The following LRRCC1 variants were observed in gnomAD, a reference collection of about 807,000 sequenced individuals.
LRRCC1 encodes leucine-rich repeat and coiled-coil domain-containing protein 1.
In LRRCC1, 115 loss-of-function variants were observed where a neutral mutation model predicts 126.0. The observed-to-expected ratio is 0.91, with a 90% CI of 0.78 to 1.07. The LOEUF (loss-of-function observed/expected upper bound fraction) is 1.07, where lower values mean the gene tolerates loss of function less well. Ranked by LOEUF, LRRCC1 falls within the 50% of genes least tolerant of loss-of-function variation. The pLI is 0.00. For synonymous variants in LRRCC1, 400 were observed against 393.4 expected, an observed-to-expected ratio of 1.02 and a Z score of -0.20; for missense variants, 1,172 against 1,175.7, an observed-to-expected ratio of 1.00 and a Z score of 0.05.
At chr8:85,122,624 T>C (rs563683879) in intron 6 of LRRCC1, among the ~76,000 whole-genome samples, 1 of 152,190 alleles carries the variant, frequency 6.6e-6, no homozygotes, top group African/African-American at 2.4e-5. Context: ...ATGACAGGTG[T>C]ATTTCTTATT....
At position 85,115,462 on chromosome 8, in the gene LRRCC1, T is replaced by C; in HGVS notation, c.808T>C (p.Leu270=). 3 of 1,613,614 alleles carry C rather than the reference T, an allele frequency of 1.9e-6. No homozygotes were observed. The highest frequency in any genetic ancestry group is 2.5e-6 in the Non-Finnish European group (3 of 1,179,598). The change falls in exon 6 of 19, where the codon TTG becomes CTG. Residue 270 remains leucine (L), a synonymous_variant. Transcript: ENST00000360375. ...QFASTPSDAV[L]TSFMSVCQSS... The stretch of plus-strand genomic sequence containing the variant: ...TGCAAGTACACCAAGTGATGCTGTG[T>C]TGACGTCTTTTATGTCTGTGTGTCA...
chr8:85,109,221 C>G (rs1808499659), intron 1 of LRRCC1: 1 of 185,484 alleles, frequency 5.4e-6, no homozygotes, highest in Non-Finnish European at 1.1e-5. Context: ...GTCATTTGCT[C>G]AAATCACACA....
At chr8:85,130,522 G>T (rs976905966) in intron 11 of LRRCC1, among the ~76,000 whole-genome samples, 1 of 152,112 alleles carries the variant, frequency 6.6e-6, no homozygotes, top group African/African-American at 2.4e-5. Flanking sequence ...CCGTGTTCAT[G>T]TATGTATACA....
At position 85,123,321 on chromosome 8, in the gene LRRCC1, A is replaced by G. The variant is rs969707052; in HGVS notation, c.931-92A>G. The G allele has an allele frequency of 1.5e-5, 13 of 844,880 alleles. No homozygotes were observed. In the African/African-American group the frequency reaches 1.9e-4, roughly 13 times the overall value. 52.3% of individuals were successfully genotyped at this position (844,880 alleles called of 1,614,324 possible). ...ATTTCTAGTTTATAAACCCTTAATC[A>G]TATAAAAAGATATAATATTTCAGAA... On this transcript the variant is annotated intron_variant, in intron 6 of 18. Coordinates refer to ENST00000360375, the MANE Select transcript of LRRCC1 (RefSeq NM_033402.5).
chr8:85,109,572 A>G (rs757096189), intron 1 of LRRCC1, 23 bp from the exon 2 acceptor site: 4 of 1,342,240 alleles, frequency 3.0e-6, no homozygotes, highest in Admixed American at 2.1e-5. Context: ...ATCTATTTTT[A>G]TAGTATATAT....
chr8:85,135,779 G>A lies in LRRCC1; in HGVS notation c.2155-10G>A. The A allele has an allele frequency of 1.4e-6, 2 of 1,412,558 alleles. No homozygotes were observed. The highest frequency in any genetic ancestry group is 1.8e-5 in the South Asian group (1 of 56,718). The allele number at this position is 1,412,558 out of a possible 1,614,324, so 87.5% of individuals were successfully genotyped here. Reference sequence around the variant, plus strand: ...TAATAATTCTTATTTTTTTTTTTGGGAATATACAGAATCAAATCAACACCC... The same window carrying A: ...TAATAATTCTTATTTTTTTTTTTGGAAATATACAGAATCAAATCAACACCC... On this transcript the variant is annotated splice_polypyrimidine_tract_variant and intron_variant, in intron 13 of 18. Coordinates refer to ENST00000360375, the MANE Select transcript of LRRCC1 (RefSeq NM_033402.5).
chr8:85,138,146 C>G lies in LRRCC1; in HGVS notation c.2605C>G (p.Leu869Val), dbSNP rs1331556178. 1.2e-6 allele frequency: 2 copies of G among 1,610,198 alleles called. No homozygotes were observed. Among genetic ancestry groups the G allele is most frequent in the African/African-American group, 2.7e-5 (2 of 74,678 alleles). Reference sequence around the variant, plus strand: ...AAAATCTTCACAACTGGATGAGGTACTTGAGAAGTTGGAAAGGCACAATGA... The same window carrying G: ...AAAATCTTCACAACTGGATGAGGTAGTTGAGAAGTTGGAAAGGCACAATGA... ...DEKSSQLDEV[L>V]EKLERHNERK... Residue 869 changes from leucine to valine, a missense_variant, in exon 16 of 19, where the codon CTT (leucine) becomes GTT (valine). Transcript: ENST00000360375.
At chr8:85,130,200 A>G (rs1810352718) in intron 11 of LRRCC1, 142 bp downstream of exon 11, 2 of 527,324 alleles carry the variant, frequency 3.8e-6, no homozygotes, top group Non-Finnish European at 6.1e-6. Flanking sequence ...CAATGGCGCA[A>G]TCTCGGCTCA....
Position 85,113,005 on chromosome 8 carries a change from C to T in LRRCC1, c.450C>T (p.Ile150=). ...TACATAGTAATCGTATAGATAGTAT[C>T]CATCACTTACTTCAGTGTATGGTAG... ...IDLHSNRIDS[I]HHLLQCMVGL... The change falls in exon 4 of 19, where the codon ATC becomes ATT. Residue 150 remains isoleucine (I), a synonymous_variant. Coordinates refer to ENST00000360375, the MANE Select transcript of LRRCC1 (RefSeq NM_033402.5). 6.2e-7 allele frequency: 1 copy of T among 1,603,394 alleles called. No homozygotes were observed. Among genetic ancestry groups the T allele is most frequent in the Non-Finnish European group, 8.5e-7 (1 of 1,171,108 alleles).
Position 85,131,912 on chromosome 8 carries a change from A to G in LRRCC1, c.1919A>G (p.Glu640Gly). The change falls in exon 12 of 19, where the codon GAA becomes GGA. Residue 640 changes from glutamate (E) to glycine (G), a missense_variant. Glu to Gly is a moderately conservative substitution (Grantham distance 98, BLOSUM62 -2). Transcript: ENST00000360375. ...DVLSQQYMDL[E>G]NEFRIALTVE... ...TTAAGCCAGCAGTATATGGATTTAG[A>G]AAATGAATTCCGTATTGCTTTAACT... The G allele has an allele frequency of 6.2e-7, 1 of 1,613,830 alleles. No individual in the cohort carries two copies. The highest frequency in any genetic ancestry group is 8.5e-7 in the Non-Finnish European group (1 of 1,179,900).
chr8:85,119,496 CTTT>C (rs542722001), intron 6 of LRRCC1, among the ~76,000 whole-genome samples: 2 of 135,922 alleles, frequency 1.5e-5, no homozygotes, highest in Non-Finnish European at 1.6e-5. Flanking sequence ...TTTTCTAGCA[CTTT>C]TTTTTTTTTT....
intron 17 of LRRCC1, among the ~76,000 whole-genome samples, chr8:85,138,939 A>G (rs1428535267): frequency 1.3e-5 from 2 of 152,090 alleles, no homozygotes. Context: ...CCAGCTACTC[A>G]GGAGGCTGAG....
chr8:85,112,972 T>C lies in LRRCC1; in HGVS notation c.417T>C (p.Tyr139=), dbSNP rs1808839818. ...ATGGAATTAAGCATAAACTTAGATA[T>C]ATTGATCTACATAGTAATCGTATAG... The part of the protein sequence containing the change: ...PLHGIKHKLR[Y]IDLHSNRIDS... The change falls in exon 4 of 19, where the codon TAT becomes TAC. Residue 139 remains tyrosine, a synonymous_variant. Transcript: ENST00000360375. 1.3e-6 allele frequency: 2 copies of C among 1,592,116 alleles called. No homozygotes were observed. The highest frequency in any genetic ancestry group is 4.5e-5 in the East Asian group (2 of 44,516).
At chr8:85,135,093 G>T in intron 13 of LRRCC1, 61 bp downstream of exon 13, 2 of 1,270,136 alleles carry the variant, frequency 1.6e-6, no homozygotes, top group Non-Finnish European at 2.1e-6. Flanking sequence ...CAAGTGGGTT[G>T]TGATAAATTT....
In LRRCC1 at chr8:85,135,026, T is replaced by C. The variant is rs1320854821; in HGVS notation, c.2148T>C (p.Asn716=). Residue 716 remains asparagine, a synonymous_variant, in exon 13 of 19, where the codon AAT becomes AAC. Transcript: ENST00000360375. ...AATTGAAACAAGAAACAGCAGCAAA[T>C]TTACAGGTAAGACTTTGCAACATTA... The part of the protein sequence containing the change: ...VSKLKQETAA[N]LQNQINTLEI... The C allele has an allele frequency of 6.5e-7, 1 of 1,537,330 alleles. No homozygotes were observed. Among genetic ancestry groups the C allele is most frequent in the Non-Finnish European group, 8.7e-7 (1 of 1,152,788 alleles).
At chr8:85,108,502 A>T (rs372056973) in intron 1 of LRRCC1, among the ~76,000 whole-genome samples, 28 of 152,356 alleles carry the variant, frequency 1.8e-4, no homozygotes, top group African/African-American at 6.7e-4. Context: ...TAATTTCACT[A>T]TGCTTTTTCT....
At position 85,138,248 on chromosome 8, in the gene LRRCC1, T is replaced by G. The variant is rs1308176209; in HGVS notation, c.2702+5T>G. The G allele has an allele frequency of 6.3e-7, 1 of 1,591,448 alleles. No homozygotes were observed. The highest frequency in any genetic ancestry group is 8.5e-7 in the Non-Finnish European group (1 of 1,170,022). On this transcript the variant is annotated splice_donor_5th_base_variant and intron_variant, in intron 16 of 18. Transcript: ENST00000360375. ...AGAAATCAGAAAAGCTTACAGGTAT[T>G]ATATAGTACAGTATTTCCCACTGAG...
At chr8:85,111,459 C>T (rs1226364313) in intron 3 of LRRCC1, among the ~76,000 whole-genome samples, 1 of 152,160 alleles carries the variant, frequency 6.6e-6, no homozygotes, top group East Asian at 1.9e-4. Context: ...TGTTTAGATG[C>T]AATTTCCTTA....
chr8:85,110,661 T>C (rs1235764362), intron 3 of LRRCC1, among the ~76,000 whole-genome samples: 1 of 152,260 alleles, frequency 6.6e-6, no homozygotes, highest in Non-Finnish European at 1.5e-5. Flanking sequence ...ATGTAGCTAA[T>C]GGCTACTGCC....
Sources: allele counts gnomAD v4.1 joint callset (sites outside exome capture counted in the v4.1 genomes callset), GRCh38; gene constraint gnomAD v4.1.1; transcripts MANE v1.5; gene names NCBI Gene and HGNC (gene_info 2026-07-23, HGNC 2026-07-21).